The following ADAMTS17 variants were observed in gnomAD, a reference collection of about 807,000 sequenced individuals.
The protein encoded by ADAMTS17 is ADAM metallopeptidase with thrombospondin type 1 motif 17, also known as A disintegrin and metalloproteinase with thrombospondin motifs 17.
ADAMTS17 carries 113 observed loss-of-function variants against 141.5 expected under a neutral mutation model. The observed-to-expected ratio is 0.80, with a 90% CI of 0.69 to 0.93. The LOEUF (loss-of-function observed/expected upper bound fraction) is 0.93, where lower values mean the gene tolerates loss of function less well. Among genes scored for constraint, ADAMTS17 ranks in the 40% least tolerant of loss-of-function variants. The pLI, the probability that ADAMTS17 is intolerant of heterozygous loss-of-function variation, is 0.00. For synonymous variants in ADAMTS17, 768 were observed against 630.6 expected (o/e 1.22, Z -3.27); for missense variants, 1,659 against 1,517.9 (o/e 1.09, Z -1.54).
Position 100,237,595 on chromosome 15 carries a change from A to G in ADAMTS17, c.1075+16541T>C, listed in dbSNP as rs957074048. Among the ~76,000 whole-genome samples, 3 of 152,094 alleles carry G rather than the reference A, an allele frequency of 2.0e-5. 1 individual carries two copies. In the South Asian group the frequency reaches 6.2e-4, roughly 32 times the overall value. On this transcript the variant is annotated intron_variant, in intron 7 of 21. Transcript: ENST00000268070. ...GGAAGACACTGCTGTCTCAATACAC[A>G]AGTAGGGAAAGGAGGAACGCTGAGG...
intron 12 of ADAMTS17, chr15:100,129,211 C>G (rs1402657003): frequency 6.6e-6 from 1 of 152,212 alleles, no homozygotes; most frequent in Non-Finnish European, 1.5e-5. Flanking sequence ...CACTAGGACC[C>G]ACAAACTCCA....
intron 4 of ADAMTS17, among the ~76,000 whole-genome samples, chr15:100,278,055 A>C (rs1261955351): frequency 6.6e-6 from 1 of 152,198 alleles, no homozygotes; most frequent in African/African-American, 2.4e-5. Flanking sequence ...AAGGATAAAT[A>C]CTGCATGATT....
chr15:100,133,478 A>G (rs2038164775), intron 10 of ADAMTS17, among the ~76,000 whole-genome samples, 163 bp from the exon 11 acceptor site: 2 of 152,162 alleles, frequency 1.3e-5, no homozygotes, highest in African/African-American at 2.4e-5. Flanking sequence ...TCAGTGCATC[A>G]CTTGAACTGG....
intron 3 of ADAMTS17, among the ~76,000 whole-genome samples, chr15:100,296,642 C>T (rs376220484): frequency 4.0e-5 from 6 of 151,840 alleles, no homozygotes; most frequent in African/African-American, 1.5e-4. Context: ...CGTGCATTTA[C>T]GATATATGAT....
chr15:100,179,103 T>G (rs2040435641), intron 8 of ADAMTS17, among the ~76,000 whole-genome samples: 1 of 152,218 alleles, frequency 6.6e-6, no homozygotes, highest in Non-Finnish European at 1.5e-5. Flanking sequence ...ACTTTTTTAG[T>G]TATTTAAAAA....
intron 16 of ADAMTS17, 65 bp downstream of exon 16, chr15:100,053,832 A>G: frequency 6.2e-7 from 1 of 1,613,194 alleles, no homozygotes; most frequent in Non-Finnish European, 8.5e-7. Flanking sequence ...GTAAACTGGA[A>G]AGTAACCTAG....
intron 3 of ADAMTS17, among the ~76,000 whole-genome samples, chr15:100,311,349 C>T (rs1450816624): frequency 4.6e-5 from 7 of 152,256 alleles, no homozygotes; most frequent in African/African-American, 1.7e-4. Flanking sequence ...ACTCAGCCGC[C>T]TGGCCCATGG....
chr15:100,091,132 C>A (rs531518952), intron 15 of ADAMTS17, among the ~76,000 whole-genome samples: 6 of 151,696 alleles, frequency 4.0e-5, no homozygotes, highest in Non-Finnish European at 8.8e-5. Flanking sequence ...CCTGCTCTGA[C>A]CCAGAGCTCA....
intron 7 of ADAMTS17, among the ~76,000 whole-genome samples, chr15:100,224,404 C>T (rs935944598): frequency 2.0e-5 from 3 of 152,110 alleles, no homozygotes; most frequent in Admixed American, 2.0e-4. Flanking sequence ...TGCAGCCAGC[C>T]ATTTGTGATT....
rs142952544 is a variant in ADAMTS17 at position 100,079,779 on chromosome 15, G to A, written c.2137+16577C>T. Among the ~76,000 whole-genome samples the A allele has an allele frequency of 1.7e-3, 256 of 152,186 alleles. 6 individuals are homozygous for A. The highest frequency in any genetic ancestry group is 8.8e-5 in the Non-Finnish European group (6 of 68,008). On this transcript the variant is annotated intron_variant, in intron 15 of 21. Transcript: ENST00000268070. Reference sequence around the variant, plus strand: ...CCAAGACTACCATCCGTGGAGTCTCGGAATGCCTTATCCACCATCATGGTA... The same window carrying A: ...CCAAGACTACCATCCGTGGAGTCTCAGAATGCCTTATCCACCATCATGGTA...
chr15:100,025,906 TCCAA>T (rs1379479086), intron 18 of ADAMTS17, among the ~76,000 whole-genome samples: 1 of 152,174 alleles, frequency 6.6e-6, no homozygotes, highest in African/African-American at 2.4e-5. Context: ...TTTGTTTTAC[TCCAA>T]CCATTTTTGA....
intron 3 of ADAMTS17, among the ~76,000 whole-genome samples, chr15:100,291,250 T>C (rs984399483): frequency 1.3e-5 from 2 of 152,206 alleles, no homozygotes; most frequent in Admixed American, 6.5e-5. Context: ...GAAAAGTTAC[T>C]CAACATCACT....
chr15:100,199,017 G>A lies in ADAMTS17; in HGVS notation c.1181+301C>T, dbSNP rs180910336. Among the ~76,000 whole-genome samples the A allele has an allele frequency of 8.5e-5, 13 of 152,318 alleles. No homozygotes were observed. In the East Asian group the frequency reaches 1.9e-3, roughly 23 times the overall value. The stretch of plus-strand genomic sequence containing the variant: ...TTAGAGTGAATCAAAGATCATGCTC[G>A]TCCCGGAAAGGAAGTACAATTAAAT... On this transcript the variant is annotated intron_variant, in intron 8 of 21. Transcript: ENST00000268070.
intron 15 of ADAMTS17, among the ~76,000 whole-genome samples, chr15:100,080,628 C>G (rs767951760): frequency 3.9e-5 from 6 of 152,094 alleles, no homozygotes; most frequent in African/African-American, 1.4e-4. Context: ...AGGTAGTTAT[C>G]GATACCAGCT....
chr15:100,284,640 C>T (rs1292121048), intron 3 of ADAMTS17, among the ~76,000 whole-genome samples: 1 of 152,176 alleles, frequency 6.6e-6, no homozygotes, highest in African/African-American at 2.4e-5. Flanking sequence ...CCTCCCTGAT[C>T]TCAACCACTC....
chr15:100,165,062 G>A (rs1175241624), intron 8 of ADAMTS17, among the ~76,000 whole-genome samples: 2 of 152,216 alleles, frequency 1.3e-5, no homozygotes, highest in East Asian at 1.9e-4. Context: ...GCTTCAGAGT[G>A]TATGCAGTAG....
chr15:99,983,225 G>C (rs939406255), intron 20 of ADAMTS17, among the ~76,000 whole-genome samples: 1 of 152,100 alleles, frequency 6.6e-6, no homozygotes, highest in Non-Finnish European at 1.5e-5. Context: ...GCTTACGTAC[G>C]AGCTTGTTAA....
intron 20 of ADAMTS17, among the ~76,000 whole-genome samples, chr15:99,985,721 A>AT (rs2060572078): frequency 6.6e-6 from 1 of 152,230 alleles, no homozygotes; most frequent in Non-Finnish European, 1.5e-5. Context: ...GAAGAAAGCC[A>AT]TATCACCACT....
At chr15:100,184,463 G>A (rs1029239499) in intron 8 of ADAMTS17, among the ~76,000 whole-genome samples, 35 of 152,276 alleles carry the variant, frequency 2.3e-4, no homozygotes, top group African/African-American at 8.4e-4. Context: ...TAATCTCTAG[G>A]ATATCTGGTT....
Sources: gnomAD v4.1 joint callset for allele counts (sites outside exome capture counted in the v4.1 genomes callset) on GRCh38, gnomAD v4.1.1 for gene constraint, MANE v1.5 for transcripts, NCBI Gene and HGNC (gene_info 2026-07-23, HGNC 2026-07-21) for gene names.